Variants in DNAH1 observed in about 807,000 individuals in gnomAD.
The protein encoded by DNAH1 is dynein axonemal heavy chain 1.
A neutral mutation model predicts 484.3 loss-of-function variants in DNAH1; 327 were observed. The observed-to-expected ratio is 0.68, with a 90% confidence interval of 0.62 to 0.74. The LOEUF (loss-of-function observed/expected upper bound fraction) is 0.74, where lower values mean the gene tolerates loss of function less well. Ranked by LOEUF, DNAH1 falls within the 30% of genes least tolerant of loss-of-function variation. DNAH1 has a pLI of 0.00. For missense variants in DNAH1, 5,052 were observed against 5,546.8 expected (o/e 0.91, Z 2.83); for synonymous variants, 2,192 against 2,191.9 (o/e 1.00, Z 0.00).
In DNAH1 at chr3:52,355,719, G is replaced by C. The variant is rs1387942407; in HGVS notation, c.3693+664G>C. Reference sequence around the variant, plus strand: ...GGACCACCCAGAGATGCCTGAGCTGGTCAGCACTATCCCCAGTCCCCCTCT... The same window carrying C: ...GGACCACCCAGAGATGCCTGAGCTGCTCAGCACTATCCCCAGTCCCCCTCT... On this transcript the variant is annotated intron_variant, in intron 21 of 77. Transcript: ENST00000420323. The surrounding 1 kb of genome is among the most constrained non-coding windows in gnomAD (Gnocchi z 4.5). Among the ~76,000 whole-genome samples, 2 of 152,252 alleles carry C rather than the reference G, an allele frequency of 1.3e-5. No individual in the cohort carries two copies. The highest frequency in any genetic ancestry group is 1.3e-4 in the Admixed American group (2 of 15,292).
chr3:52,350,242 G>T, intron 15 of DNAH1, 134 bp downstream of exon 15: 1 of 1,288,804 alleles, frequency 7.8e-7, no homozygotes. Context: ...GAGGACAGAT[G>T]GGGTTTAGGG....
chr3:52,369,290 T>G (rs929055627), intron 37 of DNAH1, among the ~76,000 whole-genome samples: 1 of 152,078 alleles, frequency 6.6e-6, no homozygotes, highest in Non-Finnish European at 1.5e-5. Flanking sequence ...TGGGGTCAGG[T>G]GTGCACCTGG....
At chr3:52,389,661 T>C in intron 60 of DNAH1, 75 bp downstream of exon 60, 1 of 1,271,006 alleles carries the variant, frequency 7.9e-7, no homozygotes, top group East Asian at 3.1e-5. Context: ...GCCTTCTGCC[T>C]CCTTCCTACC....
Position 52,361,050 on chromosome 3 carries a change from C to T in DNAH1, c.4686-114C>T. 1 of 1,096,816 alleles carries T rather than the reference C, an allele frequency of 9.1e-7. No homozygotes were observed. The highest frequency in any genetic ancestry group is 1.2e-6 in the Non-Finnish European group (1 of 825,556). The allele number at this position is 1,096,816 out of a possible 1,614,324, so 67.9% of individuals were successfully genotyped here. On this transcript the variant is annotated intron_variant, in intron 28 of 77. Transcript: ENST00000420323. The surrounding 1 kb of genome is among the most constrained non-coding windows in gnomAD (Gnocchi z 5.6). ...ACCCCGGAGCCAGGGCTGGGCACAC[C>T]CCAGCCCACCAAAAGGGGACGGGGC...
At position 52,388,209 on chromosome 3, in the gene DNAH1, A is replaced by G. The variant is rs758924619; in HGVS notation, c.9046A>G (p.Ile3016Val). ...DVVIKAIQPY[I>V]DNEEFQPATI... is the part of the protein sequence containing the mutation. ...GGTGATCAAAGCCATCCAGCCGTAC[A>G]TCGATAATGAAGAGTTCCAGCCAGC... The change falls in exon 57 of 78, where the codon ATC (isoleucine) becomes GTC (valine). Residue 3016 changes from isoleucine to valine, a missense_variant. Ile to Val is a conservative substitution (Grantham distance 29). Around this residue, in one of 4 missense-constraint regions of DNAH1, gnomAD observed 2,929 missense variants for 3,409.4 expected, o/e 0.86. Coordinates refer to ENST00000420323, the MANE Select transcript of DNAH1 (RefSeq NM_015512.5). The G allele has an allele frequency of 5.6e-6, 9 of 1,609,538 alleles. No homozygotes were observed. Among genetic ancestry groups the G allele is most frequent in the South Asian group, 3.3e-5 (3 of 89,820 alleles).
At chr3:52,389,431 G>A (rs1251213482) in intron 59 of DNAH1, 30 bp from the exon 60 acceptor site, 3 of 1,610,326 alleles carry the variant, frequency 1.9e-6, no homozygotes, top group Non-Finnish European at 2.5e-6. Context: ...GTGTCATGGT[G>A]GGGTGGTCCT....
Position 52,364,799 on chromosome 3 carries a change from A to T in DNAH1, c.5332-34A>T, listed in dbSNP as rs959175347. 6.2e-7 allele frequency: 1 copy of T among 1,608,722 alleles called. No individual in the cohort carries two copies. The highest frequency in any genetic ancestry group is 8.5e-7 in the Non-Finnish European group (1 of 1,176,268). ...TGGGCAGCTGGAGGGCAGCTGGCCCACTGCCCTGAAGGCTCAGCCGGCACC... is the reference window on the plus strand; with the variant it reads ...TGGGCAGCTGGAGGGCAGCTGGCCCTCTGCCCTGAAGGCTCAGCCGGCACC... On this transcript the variant is annotated intron_variant, in intron 33 of 77. Transcript: ENST00000420323. The surrounding 1 kb of genome is among the most constrained non-coding windows in gnomAD (Gnocchi z 4.2).
At position 52,361,475 on chromosome 3, in the gene DNAH1, T is replaced by G; in HGVS notation, c.4874+123T>G. On this transcript the variant is annotated intron_variant, in intron 29 of 77. Transcript: ENST00000420323. This position sits in a 1 kb window ranked among gnomAD's most constrained non-coding sequence, Gnocchi z 5.6. ...GGATGGTGGAGGGGACAGAAGGGGG[T>G]AATAGGCATCACGGCTTGGTCCTGG... The G allele has an allele frequency of 7.7e-7, 1 of 1,304,420 alleles. No homozygotes were observed. The highest frequency in any genetic ancestry group is 2.4e-5 in the Admixed American group (1 of 40,838). The allele number at this position is 1,304,420 out of a possible 1,614,324, so 80.8% of individuals were successfully genotyped here. A position where few individuals can be genotyped will look rare whatever the true frequency, so the allele number is the denominator to read the frequency against.
At position 52,366,536 on chromosome 3, in the gene DNAH1, C is replaced by A; in HGVS notation, c.5598C>A (p.Ser1866=). The A allele has an allele frequency of 1.3e-6, 2 of 1,595,074 alleles. No homozygotes were observed. Among genetic ancestry groups the A allele is most frequent in the Non-Finnish European group, 1.7e-6 (2 of 1,171,468 alleles). ...HGLMLVGPTG[S]GKSTCYRVLA... ...TCATGCTCGTCGGGCCCACAGGCTC[C>A]GGCAAGAGTACTGTAAGCAGAGCCA... The change falls in exon 35 of 78, where the codon TCC becomes TCA. Residue 1866 remains serine, a synonymous_variant. Coordinates refer to ENST00000420323, the MANE Select transcript of DNAH1 (RefSeq NM_015512.5).
rs1393079837 is a variant in DNAH1, at chr3:52,358,436, G to A, written c.4087-122G>A. 8 of 1,086,192 alleles carry A rather than the reference G, an allele frequency of 7.4e-6. No individual in the cohort carries two copies. In the East Asian group the frequency reaches 1.1e-4, roughly 15 times the overall value. 67.3% of individuals were successfully genotyped at this position (1,086,192 alleles called of 1,614,324 possible). A position where few individuals can be genotyped will look rare whatever the true frequency, so the allele number is the denominator to read the frequency against. On this transcript the variant is annotated intron_variant, in intron 24 of 77. Transcript: ENST00000420323. The surrounding 1 kb of genome is among the most constrained non-coding windows in gnomAD (Gnocchi z 4.2). ...AGCCAAGATAGACTCTCGGGGGGAC[G>A]GGAAGGCAGGGCTTTCTTCTTGAGG...
In DNAH1 at chr3:52,355,127, T is replaced by G; in HGVS notation, c.3693+72T>G. The stretch of plus-strand genomic sequence containing the variant: ...GAGCCCGACCCACAGGTGTCACTGA[T>G]GGTCTCCGGGTGGGGTTCAAAGCAT... On this transcript the variant is annotated intron_variant, in intron 21 of 77. Transcript: ENST00000420323. This position sits in a 1 kb window ranked among gnomAD's most constrained non-coding sequence, Gnocchi z 4.5. The G allele has an allele frequency of 2.0e-6, 3 of 1,471,298 alleles. No homozygotes were observed. The allele number at this position is 1,471,298 out of a possible 1,614,324, so 91.1% of individuals were successfully genotyped here.
Position 52,362,283 on chromosome 3 carries a change from C to A in DNAH1, c.4981-105C>A. ...CAGGGGTCCAGGCCTGGCCTACCAG[C>A]TACAGCCAGGACAGGGGCATCAACA... On this transcript the variant is annotated intron_variant, in intron 30 of 77. Coordinates refer to ENST00000420323, the MANE Select transcript of DNAH1 (RefSeq NM_015512.5). The surrounding 1 kb of genome is among the most constrained non-coding windows in gnomAD (Gnocchi z 5.1). 1.1e-6 allele frequency: 1 copy of A among 923,246 alleles called. No homozygotes were observed. The highest frequency in any genetic ancestry group is 1.7e-6 in the Non-Finnish European group (1 of 588,746). 57.2% of individuals were successfully genotyped at this position (923,246 alleles called of 1,614,324 possible). A position where few individuals can be genotyped will look rare whatever the true frequency, so the allele number is the denominator to read the frequency against.
At chr3:52,373,188 G>T in intron 44 of DNAH1, 135 bp downstream of exon 44, 1 of 1,233,850 alleles carries the variant, frequency 8.1e-7, no homozygotes, top group Non-Finnish European at 1.1e-6. Context: ...AATTAAAGGG[G>T]AGGAGGGGGG....
intron 1 of DNAH1, among the ~76,000 whole-genome samples, chr3:52,317,130 T>G (rs532436122): frequency 1.3e-5 from 2 of 152,354 alleles, no homozygotes; most frequent in Admixed American, 1.3e-4. Context: ...AAGGAAATTG[T>G]AGCGGACATT....
chr3:52,383,407 G>A lies in DNAH1; in HGVS notation c.7963G>A (p.Glu2655Lys). 3 of 1,613,880 alleles carry A rather than the reference G, an allele frequency of 1.9e-6. No individual in the cohort carries two copies. Among genetic ancestry groups the A allele is most frequent in the Non-Finnish European group, 2.5e-6 (3 of 1,179,842 alleles). Residue 2655 changes from glutamate to lysine, a missense_variant, in exon 51 of 78, where the codon GAA becomes AAA. Coordinates refer to ENST00000420323, the MANE Select transcript of DNAH1 (RefSeq NM_015512.5). ...CCAGATCAAGAACGAATCCTTCCTG[G>A]AAGATATCAACAACGTCCTAAACTC... ...DTQIKNESFLEDINNVLNSGD... is the reference protein window; with the variant it reads ...DTQIKNESFLKDINNVLNSGD...
rs1197628069 is a variant in DNAH1 at position 52,362,502 on chromosome 3, G to A, written c.5094+1G>A. ...CACGGAGCTGCCTGACAATCTGAAG[G>A]CAAGTGCAGGCCCAGAGTGGCCCAG... is the stretch of plus-strand genomic sequence containing the variant. On this transcript the variant is annotated splice_donor_variant, in intron 31 of 77. Coordinates refer to ENST00000420323, the MANE Select transcript of DNAH1 (RefSeq NM_015512.5). LOFTEE classifies it high-confidence loss of function. This position sits in a 1 kb window ranked among gnomAD's most constrained non-coding sequence, Gnocchi z 5.1. The A allele has an allele frequency of 6.2e-7, 1 of 1,612,570 alleles. No homozygotes were observed. The highest frequency in any genetic ancestry group is 1.7e-4 in the Middle Eastern group (1 of 6,058).
Position 52,349,098 on chromosome 3 carries a change from A to G in DNAH1, c.2300+17A>G, listed in dbSNP as rs749144799. ...CTTTCTCAAGTGCGTACGTGTGCCC[A>G]TGCACGTCGGAGGGTGTCTGTGTGT... On this transcript the variant is annotated intron_variant, in intron 13 of 77. Coordinates refer to ENST00000420323, the MANE Select transcript of DNAH1 (RefSeq NM_015512.5). The G allele has an allele frequency of 2.5e-6, 4 of 1,612,834 alleles. No homozygotes were observed. The highest frequency in any genetic ancestry group is 1.7e-5 in the Admixed American group (1 of 60,000).
At chr3:52,366,986 C>T (rs753715188) in intron 36 of DNAH1, 99 bp downstream of exon 36, 29 of 1,407,986 alleles carry the variant, frequency 2.1e-5, no homozygotes, top group Admixed American at 4.3e-5. Flanking sequence ...AGTGGAAGGC[C>T]GGGCTCTGCA....
chr3:52,315,296 C>T (rs1366800027), upstream of DNAH1, among the ~76,000 whole-genome samples: 1 of 152,216 alleles, frequency 6.6e-6, no homozygotes, highest in Non-Finnish European at 1.5e-5. Flanking sequence ...GTAGCTCAGC[C>T]ACTCAGTCTG....
Sources: allele counts gnomAD v4.1 joint callset (sites outside exome capture counted in the v4.1 genomes callset), GRCh38; gene constraint gnomAD v4.1.1; regional missense constraint gnomAD v4.1.1; non-coding constraint Gnocchi (gnomAD v3.1); transcripts MANE v1.5; gene names NCBI Gene and HGNC (gene_info 2026-07-23, HGNC 2026-07-21).